TMC2: variants seen among roughly 807,000 people sequenced by gnomAD.
TMC2 encodes the protein transmembrane channel like 2.
TMC2 carries 102 observed loss-of-function variants against 105.9 expected under a neutral mutation model. The observed-to-expected ratio is 0.96, with a 90% confidence interval of 0.82 to 1.14. The LOEUF (loss-of-function observed/expected upper bound fraction) is 1.14. Among genes scored for constraint, TMC2 ranks in the 50% most tolerant of loss-of-function variants. The probability of loss-of-function intolerance (pLI) is 0.00; values close to 1 mark genes in which losing one functional copy is unlikely to be tolerated. For synonymous variants in TMC2, 402 were observed against 422.8 expected, an observed-to-expected ratio of 0.95 and a Z score of 0.60; for missense variants, 1,093 against 1,134.3, an observed-to-expected ratio of 0.96 and a Z score of 0.52.
chr20:2,556,866 T>C (rs1236769687), intron 2 of TMC2, among the ~76,000 whole-genome samples: 1 of 121,774 alleles, frequency 8.2e-6, no homozygotes, highest in South Asian at 2.7e-4. Context: ...CAGAATTCTG[T>C]CCTTTTTTTT....
intron 5 of TMC2, among the ~76,000 whole-genome samples, chr20:2,575,459 T>C (rs1480998144): frequency 6.6e-6 from 1 of 152,256 alleles, no homozygotes; most frequent in African/African-American, 2.4e-5. Context: ...TTTAACTTTG[T>C]GCTAATCTAT....
intron 2 of TMC2, among the ~76,000 whole-genome samples, chr20:2,553,082 A>G (rs2085966400): frequency 6.6e-6 from 1 of 152,196 alleles, no homozygotes; most frequent in Non-Finnish European, 1.5e-5. Context: ...CATTTAGTCT[A>G]CTGTTAATAT....
intron 11 of TMC2, among the ~76,000 whole-genome samples, chr20:2,606,137 T>TG (rs747342127): frequency 6.0e-4 from 92 of 152,328 alleles, no homozygotes; most frequent in Non-Finnish European, 8.4e-4. Flanking sequence ...ATGATAGACT[T>TG]GCTCTTTTTA....
chr20:2,560,206 G>A (rs552830461), intron 3 of TMC2, among the ~76,000 whole-genome samples: 39 of 151,848 alleles, frequency 2.6e-4, no homozygotes, highest in South Asian at 2.5e-3. Flanking sequence ...CAAACTGTGG[G>A]AACACCCTAC....
intron 19 of TMC2, among the ~76,000 whole-genome samples, chr20:2,639,557 A>T (rs1324395100): frequency 6.6e-6 from 1 of 152,232 alleles, no homozygotes; most frequent in African/African-American, 2.4e-5. Context: ...TTGGGTAAGT[A>T]CATTCTATGA....
At chr20:2,619,096 C>T (rs563860623) in intron 16 of TMC2, among the ~76,000 whole-genome samples, 1 of 152,256 alleles carries the variant, frequency 6.6e-6, no homozygotes, top group South Asian at 2.1e-4. Context: ...GTAAAAGGGT[C>T]GTATATGCAA....
At chr20:2,639,119 A>C (rs2146275294) in intron 19 of TMC2, among the ~76,000 whole-genome samples, 1 of 151,574 alleles carries the variant, frequency 6.6e-6, no homozygotes, top group South Asian at 2.1e-4. Context: ...CCGTTCTTGA[A>C]CTCCTGACCT....
intron 3 of TMC2, among the ~76,000 whole-genome samples, chr20:2,559,167 C>A (rs73577107): frequency 0.13 from 19,859 of 152,120 alleles, 1,430 homozygotes; most frequent in African/African-American, 0.15. Flanking sequence ...AGGAGCTGAG[C>A]GACATGAACA....
chr20:2,573,546 T>C (rs1004997591), intron 5 of TMC2, among the ~76,000 whole-genome samples: 8 of 149,966 alleles, frequency 5.3e-5, no homozygotes, highest in African/African-American at 7.4e-5. Flanking sequence ...AATTCTTTTT[T>C]TTTTCTTTTC....
intron 17 of TMC2, among the ~76,000 whole-genome samples, chr20:2,626,500 T>C (rs78824135): frequency 0.023 from 3,525 of 152,300 alleles, 134 homozygotes; most frequent in African/African-American, 0.077. Context: ...CCATACTCTA[T>C]TGAAGCAATC....
intron 2 of TMC2, among the ~76,000 whole-genome samples, chr20:2,550,455 C>T (rs1027648226): frequency 1.3e-5 from 2 of 152,176 alleles, no homozygotes; most frequent in Admixed American, 6.5e-5. Flanking sequence ...GGGTGTGCTG[C>T]GTTTGTTACA....
At chr20:2,627,747 A>C (rs1331661599) in intron 17 of TMC2, among the ~76,000 whole-genome samples, 2 of 152,170 alleles carry the variant, frequency 1.3e-5, no homozygotes. Flanking sequence ...GGAGAGCTGG[A>C]CCAATACAAG....
intron 2 of TMC2, among the ~76,000 whole-genome samples, chr20:2,545,847 A>AAG (rs746564511): frequency 7.4e-6 from 1 of 135,584 alleles, no homozygotes; most frequent in Non-Finnish European, 1.6e-5. Context: ...GAAAGAAAGA[A>AAG]AGAAAGAGAA....
At chr20:2,637,742 G>A (rs1297179301) in intron 19 of TMC2, 151 bp downstream of exon 19, 5 of 606,238 alleles carry the variant, frequency 8.2e-6, no homozygotes, top group African/African-American at 5.6e-5. Context: ...GAATATAGGG[G>A]TCAATCATAG....
chr20:2,569,230 G>A (rs2122851303), intron 4 of TMC2, among the ~76,000 whole-genome samples: 1 of 152,298 alleles, frequency 6.6e-6, no homozygotes, highest in African/African-American at 2.4e-5. Flanking sequence ...AGTTCCTGAA[G>A]ATTTAACAAT....
intron 5 of TMC2, among the ~76,000 whole-genome samples, chr20:2,575,619 T>C (rs2086138730): frequency 6.6e-6 from 1 of 152,232 alleles, no homozygotes; most frequent in African/African-American, 2.4e-5. Flanking sequence ...AGCAGGTCTC[T>C]AGACAAATAC....
At chr20:2,608,690 C>T (rs1600127810) in intron 11 of TMC2, among the ~76,000 whole-genome samples, 1 of 152,154 alleles carries the variant, frequency 6.6e-6, no homozygotes, top group African/African-American at 2.4e-5. Flanking sequence ...CACCATTGGC[C>T]TCTGTTCTAC....
At chr20:2,585,529 C>G (rs117626862) in intron 7 of TMC2, among the ~76,000 whole-genome samples, 1 of 152,318 alleles carries the variant, frequency 6.6e-6, no homozygotes, top group East Asian at 1.9e-4. Context: ...CCACAGCCTA[C>G]GGTCTAGGTT....
intron 4 of TMC2, among the ~76,000 whole-genome samples, chr20:2,562,892 G>T (rs1050535926): frequency 2.0e-5 from 3 of 151,922 alleles, no homozygotes; most frequent in Non-Finnish European, 4.4e-5. Flanking sequence ...GTTGTAGTGA[G>T]CCGAGATCAT....
Sources: allele counts gnomAD v4.1 joint callset (sites outside exome capture counted in the v4.1 genomes callset), GRCh38; gene constraint gnomAD v4.1.1; transcripts MANE v1.5; gene names NCBI Gene and HGNC (gene_info 2026-07-23, HGNC 2026-07-21).